The following PPM1H variants were observed in gnomAD, a reference collection of about 807,000 sequenced individuals.
PPM1H encodes the protein protein phosphatase, Mg2+/Mn2+ dependent 1H.
PPM1H carries 27 observed loss-of-function variants against 54.9 expected under a neutral mutation model. The ratio of observed to expected loss-of-function variants is 0.49; its 90% CI spans 0.36 to 0.68. The LOEUF is 0.68. Ranked by LOEUF, PPM1H falls within the 30% of genes least tolerant of loss-of-function variation. PPM1H has a pLI of 0.00. For synonymous variants in PPM1H, 305 were observed against 270.8 expected (o/e 1.13, Z -1.24); for missense variants, 596 against 667.8 (o/e 0.89, Z 1.19).
rs574522444 is a variant in PPM1H at position 62,715,991 on chromosome 12, C to T, written c.1073+4180G>A. On this transcript the variant is annotated intron_variant, in intron 6 of 9. Transcript: ENST00000228705. ...ACACCGAAGCTCGAAACTGAATGAT[C>T]ATGTCTAATTATCCTAAAGAAAAGC... 2.6e-5 allele frequency among the ~76,000 whole-genome samples: 4 copies of T among 152,256 alleles called. No individual in the cohort carries two copies. The East Asian group carries it at 7.7e-4, about 29-fold the overall frequency.
intron 4 of PPM1H, among the ~76,000 whole-genome samples, chr12:62,766,725 C>T (rs988620466): frequency 2.0e-4 from 31 of 152,224 alleles, no homozygotes; most frequent in African/African-American, 7.2e-4. Context: ...TTTCACACAG[C>T]TGTTTCTTGC....
chr12:62,803,612 G>GA (rs1211751448), intron 2 of PPM1H, among the ~76,000 whole-genome samples: 1 of 152,020 alleles, frequency 6.6e-6, no homozygotes, highest in Non-Finnish European at 1.5e-5. Flanking sequence ...AAACATGGGG[G>GA]AAAAAAACTC....
chr12:62,703,973 A>G (rs1441672960), intron 6 of PPM1H, among the ~76,000 whole-genome samples: 2 of 86,798 alleles, frequency 2.3e-5, no homozygotes, highest in East Asian at 8.9e-4. Context: ...AGAGAGAGAA[A>G]GCGTGTGTGT....
chr12:62,758,785 G>A (rs1241162242), intron 4 of PPM1H, among the ~76,000 whole-genome samples: 2 of 152,166 alleles, frequency 1.3e-5, no homozygotes, highest in Admixed American at 1.3e-4. Flanking sequence ...AGGCCTCTGA[G>A]CCCAAGCTAA....
intron 8 of PPM1H, among the ~76,000 whole-genome samples, chr12:62,680,718 C>A (rs2076014945): frequency 6.6e-6 from 1 of 152,200 alleles, no homozygotes; most frequent in Non-Finnish European, 1.5e-5. Flanking sequence ...TAAGGAAGAG[C>A]CACCCAGCTG....
chr12:62,805,152 A>G (rs915157489), intron 2 of PPM1H, among the ~76,000 whole-genome samples: 19 of 152,212 alleles, frequency 1.2e-4, no homozygotes, highest in African/African-American at 4.6e-4. Context: ...ATGCAAATCA[A>G]AACCACAATG....
At chr12:62,868,508 G>T (rs1869864043) in intron 1 of PPM1H, among the ~76,000 whole-genome samples, 1 of 152,126 alleles carries the variant, frequency 6.6e-6, no homozygotes. Flanking sequence ...TAAAAACAAG[G>T]ACGGCATCCA....
At chr12:62,771,643 T>C (rs2076580755) in intron 4 of PPM1H, among the ~76,000 whole-genome samples, 1 of 152,250 alleles carries the variant, frequency 6.6e-6, no homozygotes, top group Non-Finnish European at 1.5e-5. Context: ...TCTGCAGTAG[T>C]AGCAGTGGCA....
At chr12:62,908,422 A>AAAGAAAG (rs1555205219) in intron 1 of PPM1H, among the ~76,000 whole-genome samples, 24 of 134,270 alleles carry the variant, frequency 1.8e-4, no homozygotes, top group Admixed American at 4.7e-4. Flanking sequence ...AAAAAAAAAA[A>AAAGAAAG]AAAGAAAGAA....
intron 5 of PPM1H, among the ~76,000 whole-genome samples, chr12:62,729,020 G>A (rs1163665622): frequency 6.6e-6 from 1 of 152,168 alleles, no homozygotes; most frequent in Non-Finnish European, 1.5e-5. Context: ...CCCAGGGCTT[G>A]GGGTATCCAG....
At chr12:62,659,016 C>T (rs2075864108) in intron 9 of PPM1H, 1 of 724,642 alleles carries the variant, frequency 1.4e-6, no homozygotes, top group Non-Finnish European at 2.5e-6. Context: ...AACAGAAAAA[C>T]AGCACATGCT....
At chr12:62,933,707 A>G (rs1872225944) in intron 1 of PPM1H, among the ~76,000 whole-genome samples, 1 of 152,168 alleles carries the variant, frequency 6.6e-6, no homozygotes, top group Non-Finnish European at 1.5e-5. Context: ...AGCTGGGGGA[A>G]GGGCAATAAA....
At chr12:62,909,398 C>T (rs1871390884) in intron 1 of PPM1H, among the ~76,000 whole-genome samples, 1 of 152,188 alleles carries the variant, frequency 6.6e-6, no homozygotes, top group Non-Finnish European at 1.5e-5. Context: ...CTGGCCTCAG[C>T]CATCTAATCT....
In PPM1H at chr12:62,821,672, G is replaced by A. The variant is rs530510821; in HGVS notation, c.411+10442C>T. ...TATCCAGCCAAACTAAGCTTCATAA[G>A]TGAAGGAGAAATAAAATCCTTTACA... On this transcript the variant is annotated intron_variant, in intron 2 of 9. Transcript: ENST00000228705. Among the ~76,000 whole-genome samples the A allele has an allele frequency of 4.4e-3, 671 of 152,256 alleles. 6 individuals are homozygous for A. Among genetic ancestry groups the A allele is most frequent in the African/African-American group, 0.016 (647 of 41,528 alleles).
intron 3 of PPM1H, among the ~76,000 whole-genome samples, chr12:62,792,490 C>G (rs1297454924): frequency 6.6e-6 from 1 of 152,232 alleles, no homozygotes; most frequent in Non-Finnish European, 1.5e-5. Context: ...GCGTTTGCCA[C>G]TTCCCTCCCC....
chr12:62,706,695 G>A (rs2076176472), intron 6 of PPM1H, among the ~76,000 whole-genome samples: 1 of 152,182 alleles, frequency 6.6e-6, no homozygotes, highest in East Asian at 1.9e-4. Flanking sequence ...CTTCAGGTCT[G>A]TCCCAACAGT....
chr12:62,696,946 C>T (rs927399101), intron 6 of PPM1H, among the ~76,000 whole-genome samples: 1 of 152,198 alleles, frequency 6.6e-6, no homozygotes, highest in South Asian at 2.1e-4. Context: ...TTATTGTCCA[C>T]TCTCTTCGGG....
At chr12:62,893,568 C>T (rs1428661184) in intron 1 of PPM1H, among the ~76,000 whole-genome samples, 2 of 152,018 alleles carry the variant, frequency 1.3e-5, no homozygotes, top group Non-Finnish European at 2.9e-5. Context: ...GCAATCCTGC[C>T]ACTTCAGCCT....
rs1161094944 is a variant in PPM1H at position 62,669,969 on chromosome 12, C to CTTTTTTTTTTTTTTT, written c.1246-2655_1246-2641dup. ...AAAATAGTGTTTAGAGGATTGATTC[C>CTTTTTTTTTTTTTTT]TTTTTTTTTTTTTTTTTTTTTTTTT... is the stretch of plus-strand genomic sequence containing the variant. On this transcript the variant is annotated intron_variant, in intron 8 of 9. Transcript: ENST00000228705. Among the ~76,000 whole-genome samples, 19 of 46,426 alleles carry CTTTTTTTTTTTTTTT rather than the reference C, an allele frequency of 4.1e-4. 2 individuals carry two copies. Among genetic ancestry groups the CTTTTTTTTTTTTTTT allele is most frequent in the African/African-American group, 1.9e-3 (17 of 8,780 alleles). 30.5% of individuals were successfully genotyped at this position (46,426 alleles called of 152,430 possible). A position where few individuals can be genotyped will look rare whatever the true frequency, so the allele number is the denominator to read the frequency against.
Sources: allele counts gnomAD v4.1 joint callset (sites outside exome capture counted in the v4.1 genomes callset), GRCh38; gene constraint gnomAD v4.1.1; transcripts MANE v1.5; gene names NCBI Gene and HGNC (gene_info 2026-07-23, HGNC 2026-07-21).